The following FILIP1 variants were observed in gnomAD, a reference collection of about 807,000 sequenced individuals.
FILIP1 encodes filamin-A-interacting protein 1.
In FILIP1, 61 loss-of-function variants were observed where a neutral mutation model predicts 102.1. The ratio of observed to expected loss-of-function variants is 0.60; its 90% CI spans 0.49 to 0.74. The LOEUF (loss-of-function observed/expected upper bound fraction) is 0.74, where lower values mean the gene tolerates loss of function less well. Ranked by LOEUF, FILIP1 falls within the 30% of genes least tolerant of loss-of-function variation. The pLI is 0.00. For missense variants in FILIP1, 1,314 were observed against 1,441.2 expected, an observed-to-expected ratio of 0.91 and a Z score of 1.43; for synonymous variants, 491 against 526.9, an observed-to-expected ratio of 0.93 and a Z score of 0.93.
chr6:75,469,394 G>A (rs965665121), intron 1 of FILIP1, among the ~76,000 whole-genome samples: 2 of 151,910 alleles, frequency 1.3e-5, no homozygotes, highest in African/African-American at 4.8e-5. Flanking sequence ...TCACAAAAAA[G>A]TAGAAGAAAA....
chr6:75,450,878 C>G (rs1383277518), intron 1 of FILIP1, among the ~76,000 whole-genome samples: 1 of 152,016 alleles, frequency 6.6e-6, no homozygotes, highest in African/African-American at 2.4e-5. Flanking sequence ...TCGCTTGAAC[C>G]TGCGAGGCAG....
chr6:75,344,441 A>G (rs368450067), intron 4 of FILIP1, among the ~76,000 whole-genome samples: 64 of 152,358 alleles, frequency 4.2e-4, no homozygotes, highest in African/African-American at 1.5e-3. Context: ...TACTAAAATC[A>G]GAGTTCTATC....
chr6:75,366,707 A>C (rs571356968), intron 2 of FILIP1, among the ~76,000 whole-genome samples: 3 of 152,332 alleles, frequency 2.0e-5, no homozygotes, highest in African/African-American at 7.2e-5. Context: ...TGATTAAATA[A>C]CTTTTTGCTG....
intron 2 of FILIP1, among the ~76,000 whole-genome samples, chr6:75,392,509 T>C (rs563851926): frequency 6.6e-6 from 1 of 152,168 alleles, no homozygotes; most frequent in Admixed American, 6.6e-5. Flanking sequence ...TGACAACCCA[T>C]TTCCCATTTG....
intron 6 of FILIP1, among the ~76,000 whole-genome samples, chr6:75,298,437 A>T (rs2842464): frequency 0.41 from 62,542 of 151,552 alleles, 12,900 homozygotes; most frequent in East Asian, 0.55. Context: ...TATGGAGACC[A>T]ACTTCATTTT....
chr6:75,301,622 T>C (rs1475297203), intron 6 of FILIP1, among the ~76,000 whole-genome samples: 1 of 152,194 alleles, frequency 6.6e-6, no homozygotes, highest in Non-Finnish European at 1.5e-5. Context: ...CATTAGATCT[T>C]AGGAAAAGCA....
At chr6:75,389,252 T>C (rs572790684) in intron 2 of FILIP1, among the ~76,000 whole-genome samples, 5 of 152,340 alleles carry the variant, frequency 3.3e-5, no homozygotes, top group African/African-American at 1.2e-4. Flanking sequence ...AGCATTTTGA[T>C]GTGCTACTGG....
chr6:75,414,497 A>G (rs1249056682), intron 2 of FILIP1, among the ~76,000 whole-genome samples, 200 bp downstream of exon 2: 1 of 152,182 alleles, frequency 6.6e-6, no homozygotes, highest in Non-Finnish European at 1.5e-5. Flanking sequence ...AGTTGGAATC[A>G]GCACTTTTTC....
rs1582410622 is a variant in FILIP1, at chr6:75,372,786, GA to G, written c.277-9870del. 1.2e-4 allele frequency among the ~76,000 whole-genome samples: 10 copies of G among 82,740 alleles called. 3 individuals are homozygous for G. In the South Asian group the frequency reaches 1.4e-3, roughly 12 times the overall value. The allele number at this position is 82,740 out of a possible 152,430, so 54.3% of individuals were successfully genotyped here. On this transcript the variant is annotated intron_variant, in intron 2 of 5. Transcript: ENST00000237172. ...AGAAAGAAAGAAAGAAAGAAAGAAA[GA>G]AAGAAAGAAGGAAAGAAAGAAAGAA...
At chr6:75,473,584 T>C (rs1227587337) in intron 1 of FILIP1, among the ~76,000 whole-genome samples, 4 of 152,180 alleles carry the variant, frequency 2.6e-5, no homozygotes, top group Non-Finnish European at 5.9e-5. Context: ...CTGTTCCATT[T>C]TTAAAAAACA....
chr6:75,459,921 T>C (rs1778967989), intron 1 of FILIP1, among the ~76,000 whole-genome samples: 1 of 152,218 alleles, frequency 6.6e-6, no homozygotes. Flanking sequence ...TAAATAATTA[T>C]AAGTAATTCA....
chr6:75,317,255 T>A (rs1773475839), intron 4 of FILIP1, among the ~76,000 whole-genome samples: 1 of 152,184 alleles, frequency 6.6e-6, no homozygotes, highest in Admixed American at 6.5e-5. Context: ...AGGTTGCAAT[T>A]TTTTGTGTGT....
At chr6:75,334,798 G>A (rs1021509375) in intron 4 of FILIP1, 4 of 152,166 alleles carry the variant, frequency 2.6e-5, no homozygotes, top group Non-Finnish European at 4.4e-5. Context: ...AATGAAAGGT[G>A]AATGTTGTGC....
At chr6:75,374,091 G>T (rs1248745401) in intron 2 of FILIP1, among the ~76,000 whole-genome samples, 2 of 152,098 alleles carry the variant, frequency 1.3e-5, no homozygotes, top group African/African-American at 4.8e-5. Flanking sequence ...TGTCATCCAC[G>T]GATTTGAATG....
At chr6:75,339,867 G>A (rs1009074670) in intron 4 of FILIP1, among the ~76,000 whole-genome samples, 2 of 152,118 alleles carry the variant, frequency 1.3e-5, no homozygotes, top group Non-Finnish European at 2.9e-5. Flanking sequence ...AGAATCGCTT[G>A]AACCTGGGAG....
At chr6:75,462,076 T>C (rs755581374) in intron 1 of FILIP1, among the ~76,000 whole-genome samples, 1 of 152,174 alleles carries the variant, frequency 6.6e-6, no homozygotes, top group Non-Finnish European at 1.5e-5. Flanking sequence ...AGTCTCCTTT[T>C]CATGCCCCAT....
rs1780025836 is a variant in FILIP1, at chr6:75,493,438, G to C, written c.-31C>G. 1 of 152,152 alleles carries C rather than the reference G, an allele frequency of 6.6e-6. No homozygotes were observed. Among genetic ancestry groups the C allele is most frequent in the African/African-American group, 2.4e-5 (1 of 41,428 alleles). 9.4% of individuals were successfully genotyped at this position (152,152 alleles called of 1,614,324 possible). A position where few individuals can be genotyped will look rare whatever the true frequency, so the allele number is the denominator to read the frequency against. On this transcript the variant is annotated 5_prime_UTR_variant, in exon 1 of 6. Transcript: ENST00000237172. ...CCTGACGGCAGCTCCTTTAACCAAA[G>C]GTATGTCCTCTATGTAGGTAGTTTA...
At chr6:75,292,437 G>A (rs1232543669) in exon 7 of FILIP1, 2 of 152,184 alleles carry the variant, frequency 1.3e-5, no homozygotes, top group Admixed American at 6.5e-5. Context: ...CTGTTCAAAT[G>A]TGTGGATCTA....
At chr6:75,343,153 T>A (rs1054062534) in intron 4 of FILIP1, among the ~76,000 whole-genome samples, 2 of 152,068 alleles carry the variant, frequency 1.3e-5, no homozygotes, top group Admixed American at 6.5e-5. Flanking sequence ...ACACATGAAC[T>A]GGAAAAAGCC....
Sources: gnomAD v4.1 joint callset for allele counts (sites outside exome capture counted in the v4.1 genomes callset) on GRCh38, gnomAD v4.1.1 for gene constraint, MANE v1.5 for transcripts, NCBI Gene and HGNC (gene_info 2026-07-23, HGNC 2026-07-21) for gene names.